ACADSB: variants seen among roughly 807,000 people sequenced by gnomAD.
ACADSB encodes short/branched chain specific acyl-CoA dehydrogenase, mitochondrial.
A neutral mutation model predicts 54.1 loss-of-function variants in ACADSB; 40 were observed. The observed-to-expected ratio is 0.74, with a 90% CI of 0.57 to 0.96. The LOEUF is 0.96. Ranked by LOEUF, ACADSB falls within the 40% of genes least tolerant of loss-of-function variation. ACADSB has a pLI of 0.00. For synonymous variants in ACADSB, 182 were observed against 182.8 expected (o/e 1.00, Z 0.03); for missense variants, 530 against 510.4 (o/e 1.04, Z -0.37).
At position 123,053,168 on chromosome 10, in the gene ACADSB, GA is replaced by G. The variant is rs1850655683; in HGVS notation, c.1228+9del. 4.1e-6 allele frequency: 6 copies of G among 1,475,058 alleles called. No homozygotes were observed. The highest frequency in any genetic ancestry group is 5.4e-6 in the Non-Finnish European group (6 of 1,111,676). 91.4% of individuals were successfully genotyped at this position (1,475,058 alleles called of 1,614,324 possible). ...TCCGAGATGCAAAGATTGGTAAATA[GA>G]TTTTTTTTTTTTACATTTTATTTTG... On this transcript the variant is annotated intron_variant, in intron 10 of 10. Coordinates refer to ENST00000358776, the MANE Select transcript of ACADSB (RefSeq NM_001609.4).
At chr10:123,009,340 G>A (rs1187658418) in intron 1 of ACADSB, among the ~76,000 whole-genome samples, 2 of 152,152 alleles carry the variant, frequency 1.3e-5, no homozygotes, top group East Asian at 3.9e-4. Context: ...GGTCGCGTCC[G>A]CAAGATGTCC....
intron 7 of ACADSB, among the ~76,000 whole-genome samples, chr10:123,045,654 C>G (rs575234142): frequency 6.6e-6 from 1 of 152,136 alleles, no homozygotes; most frequent in East Asian, 1.9e-4. Flanking sequence ...GTCTAGTTTT[C>G]CTACAATGCT....
intron 1 of ACADSB, among the ~76,000 whole-genome samples, chr10:123,023,947 G>A (rs896117822): frequency 2.6e-5 from 4 of 152,222 alleles, no homozygotes; most frequent in African/African-American, 7.2e-5. Flanking sequence ...TCTGGAGTTC[G>A]ATCCCCTGAG....
chr10:123,013,258 T>C (rs1214959913), intron 1 of ACADSB, among the ~76,000 whole-genome samples: 1 of 152,254 alleles, frequency 6.6e-6, no homozygotes, highest in Non-Finnish European at 1.5e-5. Flanking sequence ...CACCACCAGA[T>C]TAGCTAGATA....
At chr10:123,041,709 G>T (rs1039585742) in intron 5 of ACADSB, among the ~76,000 whole-genome samples, 1 of 152,158 alleles carries the variant, frequency 6.6e-6, no homozygotes, top group African/African-American at 2.4e-5. Flanking sequence ...TTGAATTCAC[G>T]TGAATAAAGT....
intron 1 of ACADSB, among the ~76,000 whole-genome samples, chr10:123,016,387 A>G (rs772210107): frequency 2.7e-5 from 4 of 150,808 alleles, no homozygotes; most frequent in East Asian, 2.0e-4. Flanking sequence ...CAGATTTGCA[A>G]TTGTCTTATT....
intron 10 of ACADSB, 28 bp downstream of exon 10, chr10:123,053,188 T>C: frequency 6.5e-7 from 1 of 1,537,066 alleles, no homozygotes; most frequent in South Asian, 1.1e-5. Context: ...TTTTACATTT[T>C]ATTTTGTTTT....
intron 7 of ACADSB, among the ~76,000 whole-genome samples, chr10:123,044,838 A>G (rs185841011): frequency 1.8e-4 from 27 of 152,220 alleles, no homozygotes; most frequent in East Asian, 1.2e-3. Flanking sequence ...AATTTTTTAC[A>G]TTAAGAATAA....
Position 123,025,466 on chromosome 10 carries a change from A to AAAATAAAT in ACADSB, c.43-8870_43-8863dup, listed in dbSNP as rs74899167. Reference sequence around the variant, plus strand: ...GTGACAAAGTGAGACCCTGTCACGAAAAATAAATAAATAAATAAATAAATA... The same window carrying AAAATAAAT: ...GTGACAAAGTGAGACCCTGTCACGAAAAATAAATAAATAAATAAATAAATAAATAAATA... On this transcript the variant is annotated intron_variant, in intron 1 of 10. Transcript: ENST00000358776. 1.3e-3 allele frequency among the ~76,000 whole-genome samples: 188 copies of AAAATAAAT among 150,388 alleles called. 1 individual carries two copies. Among genetic ancestry groups the AAAATAAAT allele is most frequent in the Non-Finnish European group, 1.5e-3 (99 of 67,562 alleles).
At chr10:123,030,822 C>T (rs1000749218) in intron 1 of ACADSB, among the ~76,000 whole-genome samples, 3 of 152,172 alleles carry the variant, frequency 2.0e-5, no homozygotes, top group African/African-American at 7.2e-5. Context: ...AGTTCTTAAC[C>T]TTCTTTGTGT....
Position 123,047,232 on chromosome 10 carries a change from T to G in ACADSB, c.924T>G (p.Cys308Trp). ...AAQMLGLAQG[C>W]FDYTIPYIKE... Reference sequence around the variant, plus strand: ...AGATGCTGGGACTGGCGCAAGGATGTTTTGACTACACTATTCCATATATTA... The same window carrying G: ...AGATGCTGGGACTGGCGCAAGGATGGTTTGACTACACTATTCCATATATTA... The change falls in exon 8 of 11, where the codon TGT (cysteine) becomes TGG (tryptophan). Residue 308 changes from cysteine (C) to tryptophan (W), a missense_variant. Coordinates refer to ENST00000358776, the MANE Select transcript of ACADSB (RefSeq NM_001609.4). The G allele has an allele frequency of 1.2e-6, 2 of 1,609,048 alleles. No individual in the cohort carries two copies. The highest frequency in any genetic ancestry group is 1.7e-6 in the Non-Finnish European group (2 of 1,175,294).
At chr10:123,038,602 A>G (rs542635173) in intron 3 of ACADSB, among the ~76,000 whole-genome samples, 5 of 152,232 alleles carry the variant, frequency 3.3e-5, no homozygotes, top group Non-Finnish European at 5.9e-5. Flanking sequence ...AATTTTTAAT[A>G]CTAAAGATGT....
intron 1 of ACADSB, among the ~76,000 whole-genome samples, chr10:123,011,780 C>T (rs1020087629): frequency 3.3e-5 from 5 of 151,974 alleles, no homozygotes; most frequent in Admixed American, 6.6e-5. Context: ...ATGATCCACC[C>T]GCCATGGCCT....
rs1161402678 is a variant in ACADSB, at chr10:123,040,565, G to A, written c.403G>A (p.Val135Met). Residue 135 changes from valine (V) to methionine (M), a missense_variant, in exon 4 of 11, where the codon GTG (valine) becomes ATG (methionine). By Grantham distance (21) the Val-to-Met change is conservative. Coordinates refer to ENST00000358776, the MANE Select transcript of ACADSB (RefSeq NM_001609.4). ...IEELAKVDAS[V>M]AVFCEIQNTL... is the part of the protein sequence containing the mutation. ...GGAATTAGCCAAAGTTGATGCATCT[G>A]TGGCTGTCTTTTGTGAGATCCAGAA... is the stretch of plus-strand genomic sequence containing the variant. 6.2e-7 allele frequency: 1 copy of A among 1,613,872 alleles called. No individual in the cohort carries two copies. The highest frequency in any genetic ancestry group is 1.7e-5 in the Admixed American group (1 of 60,014).
At chr10:123,047,507 G>A (rs558240232) in intron 8 of ACADSB, among the ~76,000 whole-genome samples, 1 of 152,190 alleles carries the variant, frequency 6.6e-6, no homozygotes, top group South Asian at 2.1e-4. Flanking sequence ...GCCCAGCTAT[G>A]GCATGATTCA....
intron 7 of ACADSB, among the ~76,000 whole-genome samples, chr10:123,045,142 TA>T (rs1850535608): frequency 3.5e-4 from 4 of 11,540 alleles, no homozygotes; most frequent in African/African-American, 9.4e-4. Context: ...TATATATATA[TA>T]TATATATATA....
At chr10:123,009,176 C>A (rs1849960615) in intron 1 of ACADSB, 105 bp downstream of exon 1, 2 of 1,259,308 alleles carry the variant, frequency 1.6e-6, no homozygotes, top group Admixed American at 2.0e-5. Flanking sequence ...CGGCCTGAGC[C>A]CCGCTCCACG....
Position 123,025,876 on chromosome 10 carries a change from C to T in ACADSB, c.43-8480C>T, listed in dbSNP as rs1850244048. The stretch of plus-strand genomic sequence containing the variant: ...AGGAGTTGGAGACCAGCCTGGCCAA[C>T]GTGGTGAAACCCTGTCTCTACTAAA... On this transcript the variant is annotated intron_variant, in intron 1 of 10. Coordinates refer to ENST00000358776, the MANE Select transcript of ACADSB (RefSeq NM_001609.4). 2.0e-5 allele frequency among the ~76,000 whole-genome samples: 3 copies of T among 152,232 alleles called. No individual in the cohort carries two copies. The South Asian group carries it at 6.2e-4, about 32-fold the overall frequency.
rs529981593 is a variant in ACADSB at position 123,039,007 on chromosome 10, C to T, written c.303+1160C>T. On this transcript the variant is annotated intron_variant, in intron 3 of 10. Coordinates refer to ENST00000358776, the MANE Select transcript of ACADSB (RefSeq NM_001609.4). ...GGCTGTCTGCAGAGTGATGCATTGCCTGCACCCTGCTACTCATCTCCACAA... is the reference window on the plus strand; with the variant it reads ...GGCTGTCTGCAGAGTGATGCATTGCTTGCACCCTGCTACTCATCTCCACAA... 3.9e-5 allele frequency among the ~76,000 whole-genome samples: 6 copies of T among 152,312 alleles called. No homozygotes were observed. The South Asian group carries it at 1.2e-3, about 32-fold the overall frequency.
Sources: gnomAD v4.1 joint callset for allele counts (sites outside exome capture counted in the v4.1 genomes callset) on GRCh38, gnomAD v4.1.1 for gene constraint, MANE v1.5 for transcripts, NCBI Gene and HGNC (gene_info 2026-07-23, HGNC 2026-07-21) for gene names.